NFATC2: variants seen among roughly 807,000 people sequenced by gnomAD.
NFATC2 encodes nuclear factor of activated T-cells, cytoplasmic 2.
In NFATC2, 22 loss-of-function variants were observed where a neutral mutation model predicts 87.3. The ratio of observed to expected loss-of-function variants is 0.25; its 90% CI spans 0.18 to 0.36. NFATC2 has a LOEUF of 0.36. Ranked by LOEUF, NFATC2 falls within the 10% of genes least tolerant of loss-of-function variation. NFATC2 has a pLI of 1.00. For missense variants in NFATC2, 1,149 were observed against 1,259.1 expected, an observed-to-expected ratio of 0.91 and a Z score of 1.32; for synonymous variants, 565 against 542.2, an observed-to-expected ratio of 1.04 and a Z score of -0.58.
chr20:51,413,630 C>T (rs552033492), intron 9 of NFATC2, among the ~76,000 whole-genome samples: 12 of 152,188 alleles, frequency 7.9e-5, no homozygotes, highest in South Asian at 2.1e-4. Flanking sequence ...TGGTGGCACA[C>T]GCCTATAGTC....
At chr20:51,397,894 A>T (rs1482246445) in intron 10 of NFATC2, among the ~76,000 whole-genome samples, 3 of 152,214 alleles carry the variant, frequency 2.0e-5, no homozygotes, top group South Asian at 2.1e-4. Flanking sequence ...TAAGAAGCTG[A>T]GGCACAGAGA....
chr20:51,471,485 T>C (rs1988196228), intron 5 of NFATC2, among the ~76,000 whole-genome samples: 1 of 152,180 alleles, frequency 6.6e-6, no homozygotes, highest in African/African-American at 2.4e-5. Context: ...CAACATGTTT[T>C]CCCTTGGTAT....
In NFATC2 at chr20:51,542,478, G is replaced by A. The variant is rs771975022; in HGVS notation, c.22C>T (p.Pro8Ser). The A allele has an allele frequency of 2.2e-5, 34 of 1,557,406 alleles. No individual in the cohort carries two copies. Among genetic ancestry groups the A allele is most frequent in the Non-Finnish European group, 2.8e-5 (32 of 1,157,646 alleles). ...GGGGCGTCCCCGCCGTCGGGTTGGG[G>A]CTGCCGCTCGGGGGCGTTCATGGCG... is the stretch of plus-strand genomic sequence containing the variant. MNAPERQ[P>S]QPDGGDAPGH... is the part of the protein sequence containing the mutation. Residue 8 changes from proline to serine, a missense_variant, in exon 1 of 11, where the codon CCC becomes TCC. Coordinates refer to ENST00000371564, the MANE Select transcript of NFATC2 (RefSeq NM_012340.5).
intron 1 of NFATC2, among the ~76,000 whole-genome samples, chr20:51,532,456 C>A (rs535272285): frequency 6.6e-6 from 1 of 152,164 alleles, no homozygotes; most frequent in East Asian, 1.9e-4. Flanking sequence ...TCATTTCACT[C>A]GGGAGGTGGG....
At chr20:51,457,620 G>GA (rs1209526162) in intron 5 of NFATC2, among the ~76,000 whole-genome samples, 1 of 16,228 alleles carries the variant, frequency 6.2e-5, no homozygotes, top group Non-Finnish European at 1.9e-4. Context: ...TAAAGAGACA[G>GA]AAAAAAGAGA....
intron 3 of NFATC2, among the ~76,000 whole-genome samples, chr20:51,489,424 C>T (rs1041283969): frequency 1.3e-5 from 2 of 152,164 alleles, no homozygotes; most frequent in Admixed American, 6.5e-5. Flanking sequence ...TTGGACTACC[C>T]ATCTCTAGAT....
At chr20:51,461,828 C>T (rs747001818) in intron 5 of NFATC2, among the ~76,000 whole-genome samples, 73 of 152,206 alleles carry the variant, frequency 4.8e-4, no homozygotes, top group Non-Finnish European at 8.4e-4. Context: ...TTAATAACAG[C>T]GGACAGGCTG....
At chr20:51,394,483 A>G (rs1986770093) in intron 10 of NFATC2, among the ~76,000 whole-genome samples, 1 of 151,844 alleles carries the variant, frequency 6.6e-6, no homozygotes, top group African/African-American at 2.4e-5. Context: ...CTTTTCGCTC[A>G]TGTTACCCAA....
intron 6 of NFATC2, among the ~76,000 whole-genome samples, chr20:51,450,954 C>G (rs571987365): frequency 6.6e-6 from 1 of 152,284 alleles, no homozygotes; most frequent in East Asian, 1.9e-4. Context: ...AATTGATGCC[C>G]TTGGATAGCT....
chr20:51,515,960 A>G (rs2076344789), intron 3 of NFATC2, among the ~76,000 whole-genome samples: 1 of 152,206 alleles, frequency 6.6e-6, no homozygotes, highest in Non-Finnish European at 1.5e-5. Context: ...GGATACTTCT[A>G]CTTTAAGGCA....
In NFATC2 at chr20:51,388,019, A is replaced by G. The variant is rs1873926317; in HGVS notation, c.*3477T>C. On this transcript the variant is annotated 3_prime_UTR_variant, in exon 11 of 11. Transcript: ENST00000371564. ...ACTGGATGTAAACAAAAAATGCAAT[A>G]TCCGTGCCTCCCAGTTCTTTGAAGG... The G allele has an allele frequency of 6.6e-6, 1 of 152,100 alleles. No homozygotes were observed. Among genetic ancestry groups the G allele is most frequent in the South Asian group, 2.1e-4 (1 of 4,816 alleles). The allele number at this position is 152,100 out of a possible 1,614,324, so 9.4% of individuals were successfully genotyped here. A position where few individuals can be genotyped will look rare whatever the true frequency, so the allele number is the denominator to read the frequency against.
At chr20:51,417,681 C>T (rs914602457) in intron 9 of NFATC2, among the ~76,000 whole-genome samples, 1 of 152,246 alleles carries the variant, frequency 6.6e-6, no homozygotes, top group African/African-American at 2.4e-5. Flanking sequence ...CAGCCTTCCC[C>T]TTGCAGAGCA....
intron 9 of NFATC2, among the ~76,000 whole-genome samples, chr20:51,404,925 G>A (rs1156645300): frequency 2.0e-5 from 3 of 152,218 alleles, no homozygotes; most frequent in African/African-American, 7.2e-5. Context: ...CATTTTATGA[G>A]CAAGACCTTG....
intron 9 of NFATC2, among the ~76,000 whole-genome samples, chr20:51,421,539 C>G (rs999586017): frequency 9.9e-5 from 15 of 152,158 alleles, no homozygotes; most frequent in African/African-American, 3.4e-4. Context: ...CACCTATCGT[C>G]GGAAGACAAA....
chr20:51,478,869 G>A (rs2146531497), intron 3 of NFATC2, among the ~76,000 whole-genome samples: 1 of 152,260 alleles, frequency 6.6e-6, no homozygotes, highest in East Asian at 1.9e-4. Flanking sequence ...CAGGGCCTTT[G>A]CACAAGCCAT....
chr20:51,410,556 GAA>G (rs915721294), intron 9 of NFATC2, among the ~76,000 whole-genome samples: 31 of 145,240 alleles, frequency 2.1e-4, no homozygotes, highest in Non-Finnish European at 4.4e-4. Context: ...GAGAGGGAGA[GAA>G]AGAGGGAGAG....
chr20:51,472,606 T>C (rs1441923097), intron 5 of NFATC2, among the ~76,000 whole-genome samples: 1 of 150,988 alleles, frequency 6.6e-6, no homozygotes, highest in African/African-American at 2.4e-5. Flanking sequence ...TCTGGAACAA[T>C]GCTTATTTTT....
chr20:51,510,404 T>C (rs2146668420), intron 3 of NFATC2, among the ~76,000 whole-genome samples: 1 of 152,348 alleles, frequency 6.6e-6, no homozygotes, highest in East Asian at 1.9e-4. Context: ...ATGGATGTTT[T>C]GTCCACCGGA....
chr20:51,541,626 C>G (rs1177806768), intron 1 of NFATC2, among the ~76,000 whole-genome samples: 7 of 152,192 alleles, frequency 4.6e-5, no homozygotes, highest in Admixed American at 6.5e-5. Context: ...AGCTGCCCCT[C>G]ACCCTACCCC....
Sources: allele counts gnomAD v4.1 joint callset (sites outside exome capture counted in the v4.1 genomes callset), GRCh38; gene constraint gnomAD v4.1.1; transcripts MANE v1.5; gene names NCBI Gene and HGNC (gene_info 2026-07-23, HGNC 2026-07-21).